CDH12: variants seen among roughly 807,000 people sequenced by gnomAD.
The protein encoded by CDH12 is cadherin-12.
In CDH12, 41 loss-of-function variants were observed where a neutral mutation model predicts 74.1. That is an observed-to-expected ratio of 0.55 (90% CI 0.43 to 0.72). The LOEUF (loss-of-function observed/expected upper bound fraction) is 0.72, where lower values mean the gene tolerates loss of function less well. Ranked by LOEUF, CDH12 falls within the 30% of genes least tolerant of loss-of-function variation. The pLI is 0.00. For synonymous variants in CDH12, 399 were observed against 355.0 expected (o/e 1.12, Z -1.39); for missense variants, 945 against 977.2 (o/e 0.97, Z 0.44).
intron 6 of CDH12, among the ~76,000 whole-genome samples, chr5:21,952,110 G>A (rs1286747155): frequency 6.6e-6 from 1 of 152,080 alleles, no homozygotes. Flanking sequence ...GGAAGATGAG[G>A]GTACTAATAG....
chr5:22,649,178 T>C (rs1022769671), intron 1 of CDH12, among the ~76,000 whole-genome samples: 1 of 151,978 alleles, frequency 6.6e-6, no homozygotes. Flanking sequence ...TTATCTGCCT[T>C]TTATTAACTG....
intron 5 of CDH12, among the ~76,000 whole-genome samples, chr5:21,994,936 G>A (rs1047304907): frequency 2.0e-5 from 3 of 152,098 alleles, no homozygotes; most frequent in Admixed American, 2.0e-4. Context: ...CAACGGCAAC[G>A]GAGTGGGGTC....
chr5:22,463,470 A>C (rs1745599553), intron 2 of CDH12, among the ~76,000 whole-genome samples: 1 of 152,156 alleles, frequency 6.6e-6, no homozygotes, highest in Admixed American at 6.5e-5. Flanking sequence ...GCCTGGATTC[A>C]AAAAACACTG....
intron 2 of CDH12, among the ~76,000 whole-genome samples, chr5:22,428,811 A>G (rs889864746): frequency 1.3e-5 from 2 of 152,116 alleles, no homozygotes; most frequent in Admixed American, 1.3e-4. Context: ...ATATCCACAC[A>G]CCAGCCTTCA....
chr5:22,281,894 C>A (rs1182299684), intron 3 of CDH12, among the ~76,000 whole-genome samples: 1 of 152,026 alleles, frequency 6.6e-6, no homozygotes, highest in Admixed American at 6.6e-5. Context: ...CATAGGAAAC[C>A]AAAAACGAGC....
chr5:22,383,095 G>C (rs991757325), intron 3 of CDH12, among the ~76,000 whole-genome samples: 2 of 151,864 alleles, frequency 1.3e-5, no homozygotes, highest in Admixed American at 6.6e-5. Context: ...GCCTCGCAAA[G>C]GCTGGGATTA....
intron 1 of CDH12, among the ~76,000 whole-genome samples, chr5:22,634,396 A>T (rs1047491487): frequency 1.4e-4 from 22 of 152,274 alleles, no homozygotes; most frequent in Middle Eastern, 3.4e-3. Flanking sequence ...AATGGAAAAA[A>T]GTACCAGGTC....
At chr5:21,856,588 C>T (rs1750766224) in intron 6 of CDH12, among the ~76,000 whole-genome samples, 1 of 151,648 alleles carries the variant, frequency 6.6e-6, no homozygotes, top group African/African-American at 2.4e-5. Context: ...TAAAGATGAA[C>T]ACGTATTGTC....
chr5:21,807,416 T>G (rs540544322), intron 9 of CDH12, among the ~76,000 whole-genome samples: 1 of 152,106 alleles, frequency 6.6e-6, no homozygotes, highest in Non-Finnish European at 1.5e-5. Context: ...TCTCAGAGAA[T>G]TGGTTTTGTC....
At chr5:22,763,852 A>G (rs1746357607) in intron 1 of CDH12, among the ~76,000 whole-genome samples, 1 of 151,984 alleles carries the variant, frequency 6.6e-6, no homozygotes, top group South Asian at 2.1e-4. Context: ...TCTAATATAT[A>G]AAAAGAAAAA....
chr5:22,333,808 G>A (rs1398505277), intron 3 of CDH12, among the ~76,000 whole-genome samples: 1 of 152,128 alleles, frequency 6.6e-6, no homozygotes, highest in Non-Finnish European at 1.5e-5. Flanking sequence ...TTTATCCCAG[G>A]GATGCAAGAA....
chr5:22,380,137 G>A (rs947387235), intron 3 of CDH12, among the ~76,000 whole-genome samples: 1 of 152,100 alleles, frequency 6.6e-6, no homozygotes, highest in African/African-American at 2.4e-5. Flanking sequence ...GGCGTATTCT[G>A]AACAAAGAAA....
intron 3 of CDH12, among the ~76,000 whole-genome samples, chr5:22,314,576 TTG>T (rs1315619646): frequency 6.6e-6 from 1 of 152,156 alleles, no homozygotes; most frequent in Non-Finnish European, 1.5e-5. Context: ...TGAAGCTGTG[TTG>T]TGTTATTATG....
At chr5:21,795,534 G>A (rs906222392) in intron 10 of CDH12, among the ~76,000 whole-genome samples, 6 of 151,876 alleles carry the variant, frequency 4.0e-5, no homozygotes, top group South Asian at 2.1e-4. Context: ...AATCTCTGCT[G>A]CTGTGCAGTT....
At chr5:22,704,867 A>G (rs1742906795) in intron 1 of CDH12, among the ~76,000 whole-genome samples, 1 of 151,998 alleles carries the variant, frequency 6.6e-6, no homozygotes, top group Non-Finnish European at 1.5e-5. Flanking sequence ...TTTGCCTCAC[A>G]TATTATGGTT....
At chr5:22,002,607 T>C (rs1736669808) in intron 5 of CDH12, among the ~76,000 whole-genome samples, 1 of 152,112 alleles carries the variant, frequency 6.6e-6, no homozygotes, top group Non-Finnish European at 1.5e-5. Context: ...AATAATGTGT[T>C]TGAGCAAAAT....
At chr5:22,721,203 G>A (rs959043784) in intron 1 of CDH12, among the ~76,000 whole-genome samples, 1 of 152,228 alleles carries the variant, frequency 6.6e-6, no homozygotes, top group Non-Finnish European at 1.5e-5. Flanking sequence ...AGTGCCCTGT[G>A]CCCCAGCTGC....
intron 3 of CDH12, among the ~76,000 whole-genome samples, chr5:22,235,112 A>G (rs1752517884): frequency 6.6e-6 from 1 of 152,182 alleles, no homozygotes; most frequent in South Asian, 2.1e-4. Context: ...CATCTTGTTT[A>G]TATGCTGTGT....
intron 1 of CDH12, among the ~76,000 whole-genome samples, chr5:22,713,394 GC>G (rs1306864974): frequency 6.6e-6 from 1 of 151,662 alleles, no homozygotes; most frequent in Non-Finnish European, 1.5e-5. Context: ...GCCCACCTTG[GC>G]CTCCGAAACT....
Sources: allele counts gnomAD v4.1 joint callset (sites outside exome capture counted in the v4.1 genomes callset), GRCh38; gene constraint gnomAD v4.1.1; transcripts MANE v1.5; gene names NCBI Gene and HGNC (gene_info 2026-07-23, HGNC 2026-07-21).